The following IL7 variants were observed in gnomAD, a reference collection of about 807,000 sequenced individuals.
IL7 encodes the protein interleukin-7.
IL7 carries 3 observed loss-of-function variants against 21.6 expected under a neutral mutation model. The ratio of observed to expected loss-of-function variants is 0.14; its 90% CI spans 0.06 to 0.36. The LOEUF is 0.36. Ranked by LOEUF, IL7 falls within the 10% of genes least tolerant of loss-of-function variation. The pLI is 1.00. For missense variants in IL7, 175 were observed against 200.2 expected (o/e 0.87, Z 0.76); for synonymous variants, 62 against 68.1 (o/e 0.91, Z 0.44).
At chr8:78,759,506 C>T (rs1386404719) in intron 2 of IL7, among the ~76,000 whole-genome samples, 1 of 151,922 alleles carries the variant, frequency 6.6e-6, no homozygotes, top group East Asian at 1.9e-4. Context: ...CATATACCTG[C>T]TAAAAAGCTT....
At chr8:78,799,541 T>C (rs749971832) in intron 1 of IL7, among the ~76,000 whole-genome samples, 2 of 152,150 alleles carry the variant, frequency 1.3e-5, no homozygotes, top group Admixed American at 6.5e-5. Context: ...TAAGTGCCTA[T>C]ATGCATGATG....
chr8:78,675,720 C>T (rs2130430064), downstream of IL7: 2 of 1,391,664 alleles, frequency 1.4e-6, no homozygotes, highest in Non-Finnish European at 9.9e-7. Flanking sequence ...TAAGAGAAAA[C>T]ATTAAAATGT....
In IL7 at chr8:78,732,986, T is replaced by C. The variant is rs959015597; in HGVS notation, c.*727A>G. 1 of 152,106 alleles carries C rather than the reference T, an allele frequency of 6.6e-6. No homozygotes were observed. Among genetic ancestry groups the C allele is most frequent in the African/African-American group, 2.4e-5 (1 of 41,446 alleles). The allele number at this position is 152,106 out of a possible 1,614,324, so 9.4% of individuals were successfully genotyped here. The stretch of plus-strand genomic sequence containing the variant: ...AAGTTATAATCTATATAAATGACAA[T>C]GTAACTCAGTACTAAGGTTTAGCAT... On this transcript the variant is annotated 3_prime_UTR_variant, in exon 6 of 6. Coordinates refer to ENST00000263851, the MANE Select transcript of IL7 (RefSeq NM_000880.4).
chr8:78,686,439 ATT>A, intron 3 of IL7: 1 of 1,138,774 alleles, frequency 8.8e-7, no homozygotes, highest in Non-Finnish European at 1.1e-6. Flanking sequence ...TTGTTTATTT[ATT>A]TATTTATTTA....
intron 3 of IL7, chr8:78,686,517 C>G: frequency 6.5e-7 from 1 of 1,549,626 alleles, no homozygotes; most frequent in Non-Finnish European, 8.7e-7. Context: ...ATGAAGAATT[C>G]ATTGCTACCA....
chr8:78,715,352 A>G (rs754661937), downstream of IL7: 8 of 1,571,818 alleles, frequency 5.1e-6, no homozygotes, highest in Middle Eastern at 1.7e-4. Context: ...TGCTCTCCCA[A>G]TAACTAAAAT....
intron 2 of IL7, among the ~76,000 whole-genome samples, chr8:78,752,568 G>C (rs1812210591): frequency 6.6e-6 from 1 of 151,904 alleles, no homozygotes; most frequent in African/African-American, 2.4e-5. Context: ...GTATGTTTTA[G>C]TTTCATAAAT....
At chr8:78,704,751 G>C (rs1420871556) in intron 3 of IL7, among the ~76,000 whole-genome samples, 1 of 152,042 alleles carries the variant, frequency 6.6e-6, no homozygotes, top group Non-Finnish European at 1.5e-5. Flanking sequence ...CATAGATTTG[G>C]TCTTTTTATA....
intron 2 of IL7, among the ~76,000 whole-genome samples, chr8:78,768,156 A>T (rs6983734): frequency 6.6e-6 from 1 of 151,984 alleles, no homozygotes; most frequent in African/African-American, 2.4e-5. Context: ...ACATTTTCTT[A>T]ATCCAGTCTA....
At chr8:78,736,054 C>A (rs1264315012) in intron 5 of IL7, among the ~76,000 whole-genome samples, 3 of 150,950 alleles carry the variant, frequency 2.0e-5, no homozygotes. Context: ...ACAATCTACA[C>A]TAATAAAAGA....
downstream of IL7, among the ~76,000 whole-genome samples, chr8:78,730,861 G>A (rs1264343234): frequency 2.6e-5 from 4 of 151,972 alleles, no homozygotes; most frequent in African/African-American, 9.7e-5. Flanking sequence ...TAAGTGCTAT[G>A]AACAACTAAG....
intron 3 of IL7, among the ~76,000 whole-genome samples, chr8:78,695,352 T>C (rs1810364530): frequency 6.6e-6 from 1 of 152,166 alleles, no homozygotes; most frequent in African/African-American, 2.4e-5. Context: ...ATAATTCCTA[T>C]TATATACATA....
downstream of IL7, among the ~76,000 whole-genome samples, chr8:78,729,751 A>G (rs1194534263): frequency 2.0e-5 from 3 of 152,046 alleles, no homozygotes; most frequent in Non-Finnish European, 2.9e-5. Context: ...GACCATTTCT[A>G]GAATATGTTA....
At chr8:78,743,588 C>T (rs942692719) in intron 2 of IL7, among the ~76,000 whole-genome samples, 34 of 151,986 alleles carry the variant, frequency 2.2e-4, no homozygotes, top group African/African-American at 4.8e-4. Context: ...GATTGCATTA[C>T]GAAATTCTTG....
At chr8:78,801,369 C>G (rs1814052932) in intron 1 of IL7, among the ~76,000 whole-genome samples, 1 of 152,120 alleles carries the variant, frequency 6.6e-6, no homozygotes, top group Non-Finnish European at 1.5e-5. Flanking sequence ...TATGTGGTCT[C>G]CAACTGTCTT....
intron 3 of IL7, among the ~76,000 whole-genome samples, chr8:78,696,790 C>T (rs370067121): frequency 7.9e-5 from 12 of 152,128 alleles, no homozygotes; most frequent in South Asian, 2.1e-4. Flanking sequence ...GGTCATCTTA[C>T]GGTTTTTATC....
chr8:78,774,516 C>T (rs974567621), intron 2 of IL7, among the ~76,000 whole-genome samples: 22 of 151,996 alleles, frequency 1.4e-4, no homozygotes, highest in South Asian at 2.1e-4. Flanking sequence ...TCTATAAAAA[C>T]GTGACTATAT....
chr8:78,787,111 AG>A (rs367842008), intron 2 of IL7, among the ~76,000 whole-genome samples: 22 of 152,334 alleles, frequency 1.4e-4, no homozygotes, highest in African/African-American at 4.3e-4. Flanking sequence ...ATCCTTTATA[AG>A]AAATGATAAA....
At chr8:78,697,824 G>C (rs938189669) in intron 3 of IL7, among the ~76,000 whole-genome samples, 1 of 151,744 alleles carries the variant, frequency 6.6e-6, no homozygotes, top group East Asian at 1.9e-4. Flanking sequence ...GACTATAGGC[G>C]GGTGCCACCA....
Sources: allele counts gnomAD v4.1 joint callset (sites outside exome capture counted in the v4.1 genomes callset), GRCh38; gene constraint gnomAD v4.1.1; transcripts MANE v1.5; gene names NCBI Gene and HGNC (gene_info 2026-07-23, HGNC 2026-07-21).